MAP2K3: variants seen among roughly 807,000 people sequenced by gnomAD.
The protein encoded by MAP2K3 is mitogen-activated protein kinase kinase 3, also known as dual specificity mitogen-activated protein kinase kinase 3.
Under a neutral mutation model 46.4 loss-of-function variants are expected in MAP2K3, and 30 were observed. The ratio of observed to expected loss-of-function variants is 0.65; its 90% CI spans 0.48 to 0.88. The LOEUF (loss-of-function observed/expected upper bound fraction) is 0.88. MAP2K3 is among the 40% of genes least tolerant of loss of function. The pLI is 0.00. For missense variants in MAP2K3, 380 were observed against 464.5 expected (o/e 0.82, Z 1.67); for synonymous variants, 189 against 176.3 (o/e 1.07, Z -0.57).
intron 10 of MAP2K3, among the ~76,000 whole-genome samples, 175 bp from the exon 11 acceptor site, chr17:21,313,317 T>C (rs1042708781): frequency 1.3e-5 from 2 of 152,164 alleles, no homozygotes; most frequent in Non-Finnish European, 2.9e-5. Context: ...TCTAGTTTGC[T>C]CCTATGAATG....
chr17:21,303,483 T>C (rs1171138357), intron 7 of MAP2K3, among the ~76,000 whole-genome samples: 13 of 152,422 alleles, frequency 8.5e-5, no homozygotes, highest in Admixed American at 8.5e-4. Context: ...TTCTGATGTA[T>C]AGTTTACAAA....
At chr17:21,302,114 C>G in intron 5 of MAP2K3, 29 bp from the exon 6 acceptor site, 1 of 1,612,388 alleles carries the variant, frequency 6.2e-7, no homozygotes, top group Non-Finnish European at 8.5e-7. Context: ...AGCCCGGCAG[C>G]CTGGCTGAGC....
chr17:21,307,590 G>A (rs1976955191), intron 9 of MAP2K3, among the ~76,000 whole-genome samples: 3 of 150,894 alleles, frequency 2.0e-5, no homozygotes, highest in Admixed American at 2.0e-4. Flanking sequence ...GTGTCTGGTG[G>A]GTAGAGAGTT....
intron 7 of MAP2K3, 128 bp downstream of exon 7, chr17:21,303,362 G>A: frequency 7.6e-7 from 1 of 1,320,564 alleles, no homozygotes; most frequent in Middle Eastern, 2.0e-4. Context: ...GCCCGATGGG[G>A]TTCCAGCCGC....
chr17:21,304,351 AC>A, intron 7 of MAP2K3, 74 bp from the exon 8 acceptor site: 1 of 1,609,492 alleles, frequency 6.2e-7, no homozygotes. Flanking sequence ...GGAGGGGGGC[AC>A]AGCTATGCAG....
At chr17:21,311,128 T>G (rs1977139139) in intron 9 of MAP2K3, among the ~76,000 whole-genome samples, 1 of 152,134 alleles carries the variant, frequency 6.6e-6, no homozygotes, top group South Asian at 2.1e-4. Flanking sequence ...TCTAGCCTGA[T>G]GGGAGGCACA....
At chr17:21,303,033 G>T in intron 6 of MAP2K3, 150 bp from the exon 7 acceptor site, 1 of 1,014,530 alleles carries the variant, frequency 9.9e-7, no homozygotes, top group Non-Finnish European at 1.5e-6. Context: ...TGCCAGGACA[G>T]GGCAGGAGGC....
In MAP2K3 at chr17:21,298,524, C is replaced by T. The variant is rs545185353; in HGVS notation, c.116+45C>T. The stretch of plus-strand genomic sequence containing the variant: ...TCCCTGGCTCACCCTGGAGAGGCTT[C>T]CCGAACAGGGCTCAATGGAAGGAGT... On this transcript the variant is annotated intron_variant, in intron 2 of 11. Transcript: ENST00000342679. 39 of 1,614,196 alleles carry T rather than the reference C, an allele frequency of 2.4e-5. No individual in the cohort carries two copies. The East Asian group carries it at 5.3e-4, about 22-fold the overall frequency.
chr17:21,305,570 T>G (rs1673843), intron 9 of MAP2K3, among the ~76,000 whole-genome samples: 2 of 146,332 alleles, frequency 1.4e-5, no homozygotes, highest in African/African-American at 2.5e-5. Context: ...CCTGGGCCTG[T>G]GGAAGCCAAA....
intron 9 of MAP2K3, among the ~76,000 whole-genome samples, chr17:21,307,017 C>T (rs1976920300): frequency 6.6e-6 from 1 of 152,300 alleles, no homozygotes. Flanking sequence ...AAATCCTGGG[C>T]TCAAGCAATC....
At position 21,314,360 on chromosome 17, in the gene MAP2K3, T is replaced by G; in HGVS notation, c.*130T>G. ...ATCTGGGAGGAACCGAGGGGGCTGC[T>G]CCCACCTGGCTCTGTGGCGAGCCAT... On this transcript the variant is annotated 3_prime_UTR_variant, in exon 12 of 12. Coordinates refer to ENST00000342679, the MANE Select transcript of MAP2K3 (RefSeq NM_145109.3). 3.6e-6 allele frequency: 3 copies of G among 825,390 alleles called. No homozygotes were observed. Among genetic ancestry groups the G allele is most frequent in the Non-Finnish European group, 6.0e-6 (3 of 497,618 alleles). The allele number at this position is 825,390 out of a possible 1,614,324, so 51.1% of individuals were successfully genotyped here.
At chr17:21,300,233 G>A (rs1351222585) in intron 3 of MAP2K3, among the ~76,000 whole-genome samples, 1 of 152,430 alleles carries the variant, frequency 6.6e-6, no homozygotes, top group Non-Finnish European at 1.5e-5. Flanking sequence ...AGCCAGCTGA[G>A]TGGGGTCGGG....
intron 9 of MAP2K3, among the ~76,000 whole-genome samples, chr17:21,308,254 T>A (rs1976995722): frequency 1.3e-5 from 2 of 152,286 alleles, no homozygotes; most frequent in Non-Finnish European, 2.9e-5. Context: ...TTCAAGCAAT[T>A]CTCTTGCCTC....
rs1977341416 is a variant in MAP2K3 at position 21,315,073 on chromosome 17, G to C, written c.*843G>C. 6.6e-6 allele frequency: 1 copy of C among 152,590 alleles called. No homozygotes were observed. The allele number at this position is 152,590 out of a possible 1,614,324, so 9.5% of individuals were successfully genotyped here. A position where few individuals can be genotyped will look rare whatever the true frequency, so the allele number is the denominator to read the frequency against. ...GGGAGCCTTCCAGCTCACTCTCCCTGAGGACTGGCTTGACAGGGGCTATGG... is the reference window on the plus strand; with the variant it reads ...GGGAGCCTTCCAGCTCACTCTCCCTCAGGACTGGCTTGACAGGGGCTATGG... On this transcript the variant is annotated 3_prime_UTR_variant, in exon 12 of 12. Transcript: ENST00000342679.
chr17:21,302,086 G>A (rs576849056), intron 5 of MAP2K3, 57 bp from the exon 6 acceptor site: 3 of 1,555,190 alleles, frequency 1.9e-6, no homozygotes, highest in Non-Finnish European at 1.8e-6. Flanking sequence ...AGGCAGTGCA[G>A]GTGGTGCAGA....
chr17:21,301,965 G>T (rs1475138714), intron 5 of MAP2K3, among the ~76,000 whole-genome samples, 178 bp from the exon 6 acceptor site: 1 of 152,310 alleles, frequency 6.6e-6, no homozygotes, highest in Non-Finnish European at 1.5e-5. Flanking sequence ...AGGCAGAGTT[G>T]GAGGGTGGGG....
At chr17:21,301,691 A>C (rs1299052571) in intron 5 of MAP2K3, among the ~76,000 whole-genome samples, 2 of 152,308 alleles carry the variant, frequency 1.3e-5, no homozygotes, top group Non-Finnish European at 2.9e-5. Flanking sequence ...CGCATCTCCC[A>C]ACCTTCCTGT....
rs56067280 is a variant in MAP2K3 at position 21,300,875 on chromosome 17, G to A, written c.281G>A (p.Arg94Gln). 1 of 1,613,498 alleles carries A rather than the reference G, an allele frequency of 6.2e-7. No homozygotes were observed. The highest frequency in any genetic ancestry group is 8.5e-7 in the Non-Finnish European group (1 of 1,179,490). Residue 94 changes from arginine (R) to glutamine (Q), a missense_variant and splice_region_variant, in exon 5 of 12, where the codon CGG (arginine) becomes CAG (glutamine). Transcript: ENST00000342679. ...CTGAATGGCAGTCCTTCCCTGCAGC[G>A]GATCCGGGCCACCGTGAACTCACAG... is the stretch of plus-strand genomic sequence containing the variant. ...AQSGTIMAVK[R>Q]IRATVNSQEQ...
intron 1 of MAP2K3, among the ~76,000 whole-genome samples, chr17:21,297,264 G>T (rs998245436): frequency 3.3e-5 from 5 of 152,312 alleles, no homozygotes; most frequent in Admixed American, 3.3e-4. Context: ...CGGCTTCAGA[G>T]ACTGGGGTCT....
Sources: allele counts gnomAD v4.1 joint callset (sites outside exome capture counted in the v4.1 genomes callset), GRCh38; gene constraint gnomAD v4.1.1; transcripts MANE v1.5; gene names NCBI Gene and HGNC (gene_info 2026-07-23, HGNC 2026-07-21).